The following DACH2 variants were observed in gnomAD, a reference collection of about 807,000 sequenced individuals.
DACH2 encodes the protein dachshund homolog 2.
In DACH2, 17 loss-of-function variants were observed where a neutral mutation model predicts 35.8. That is an observed-to-expected ratio of 0.48 (90% CI 0.33 to 0.71). DACH2 has a LOEUF of 0.71. Ranked by LOEUF, DACH2 falls within the 30% of genes least tolerant of loss-of-function variation. The pLI is 0.02. For missense variants in DACH2, 469 were observed against 472.7 expected (o/e 0.99, Z 0.07); for synonymous variants, 195 against 177.3 (o/e 1.10, Z -0.79).
rs758974955 is a variant in DACH2 at position 86,685,417 on chromosome X, T to C, written c.773-9604T>C. On this transcript the variant is annotated intron_variant, in intron 4 of 11. Coordinates refer to ENST00000373125, the MANE Select transcript of DACH2 (RefSeq NM_053281.3). Reference sequence around the variant, plus strand: ...ACTTACTTTTTGGTTACATATAAAATAAATATTAAAACTCAAATATCTTGC... The same window carrying C: ...ACTTACTTTTTGGTTACATATAAAACAAATATTAAAACTCAAATATCTTGC... Among the ~76,000 whole-genome samples, 3 of 111,938 alleles carry C rather than the reference T, an allele frequency of 2.7e-5. No individual in the cohort carries two copies. The South Asian group carries it at 1.1e-3, about 41-fold the overall frequency.
chrX:86,301,200 A>G (rs1278144999), intron 1 of DACH2, among the ~76,000 whole-genome samples: 1 of 111,801 alleles, frequency 8.9e-6, no homozygotes, highest in Non-Finnish European at 1.9e-5. Context: ...GGCATGGGAG[A>G]GAAAAGTGAT....
At chrX:86,783,352 A>T (rs2042107247) in intron 7 of DACH2, among the ~76,000 whole-genome samples, 1 of 112,103 alleles carries the variant, frequency 8.9e-6, no homozygotes, top group Non-Finnish European at 1.9e-5. Context: ...GTGGAGAACA[A>T]TTTGGAGATT....
At chrX:86,498,747 T>A (rs1314518314) in intron 2 of DACH2, among the ~76,000 whole-genome samples, 1 of 112,375 alleles carries the variant, frequency 8.9e-6, no homozygotes, top group African/African-American at 3.2e-5. Flanking sequence ...TATGTAAAGA[T>A]GACCTAAACC....
rs1411002851 is a variant in DACH2, at chrX:86,807,966, C to A, written c.1241-4890C>A. Among the ~76,000 whole-genome samples the A allele has an allele frequency of 2.7e-5, 3 of 111,843 alleles. No homozygotes were observed. The Admixed American group carries it at 2.8e-4, about 11-fold the overall frequency. ...CTTTTCTTGTTAGAACACCTAATAT[C>A]ACGTGGAAGTTCTGTGGGGCTTTAG... On this transcript the variant is annotated intron_variant, in intron 7 of 11. Coordinates refer to ENST00000373125, the MANE Select transcript of DACH2 (RefSeq NM_053281.3).
chrX:86,679,118 T>G (rs1346838764), intron 4 of DACH2, among the ~76,000 whole-genome samples: 1 of 94,149 alleles, frequency 1.1e-5, no homozygotes, highest in Non-Finnish European at 2.1e-5. Flanking sequence ...ATAATTTAAA[T>G]TTTTTATACT....
At chrX:86,770,832 A>G (rs1348966047) in intron 7 of DACH2, among the ~76,000 whole-genome samples, 1 of 112,431 alleles carries the variant, frequency 8.9e-6, no homozygotes, top group African/African-American at 3.2e-5. Flanking sequence ...GTAACACCTA[A>G]TACAGTGTCA....
At chrX:86,801,336 T>A (rs900818324) in intron 7 of DACH2, among the ~76,000 whole-genome samples, 1 of 110,720 alleles carries the variant, frequency 9.0e-6, no homozygotes, top group Non-Finnish European at 1.9e-5. Flanking sequence ...GCTCAAGTGA[T>A]CCTTCTACCT....
At chrX:86,586,499 C>G (rs935585600) in intron 3 of DACH2, among the ~76,000 whole-genome samples, 1 of 111,374 alleles carries the variant, frequency 9.0e-6, no homozygotes, top group Non-Finnish European at 1.9e-5. Flanking sequence ...GGTCCTATGT[C>G]CAGAAGAATA....
At chrX:86,670,980 C>G (rs990952303) in intron 4 of DACH2, among the ~76,000 whole-genome samples, 1 of 111,809 alleles carries the variant, frequency 8.9e-6, no homozygotes, top group Non-Finnish European at 1.9e-5. Flanking sequence ...CACATATAAA[C>G]AGGACAGGAT....
intron 7 of DACH2, among the ~76,000 whole-genome samples, chrX:86,793,214 A>C (rs1453678032): frequency 3.7e-5 from 4 of 109,087 alleles, no homozygotes; most frequent in Admixed American, 2.0e-4. Context: ...TGGGATTATT[A>C]GGTTTTTGGT....
At chrX:86,221,878 C>A (rs753838160) in intron 1 of DACH2, among the ~76,000 whole-genome samples, 1 of 112,238 alleles carries the variant, frequency 8.9e-6, no homozygotes, top group African/African-American at 3.2e-5. Flanking sequence ...TTATTGAGGC[C>A]TTTCTCCTTA....
At chrX:86,632,425 T>C (rs2040212184) in intron 3 of DACH2, among the ~76,000 whole-genome samples, 1 of 109,731 alleles carries the variant, frequency 9.1e-6, no homozygotes, top group South Asian at 3.9e-4. Context: ...ACTTAAGAAC[T>C]TCTCTCAACA....
chrX:86,777,619 G>T (rs6617261), intron 7 of DACH2, among the ~76,000 whole-genome samples: 15,923 of 110,454 alleles, frequency 0.14, 1,009 homozygotes, highest in South Asian at 0.42. Flanking sequence ...TATTTATTCT[G>T]CATTTATAAC....
intron 2 of DACH2, among the ~76,000 whole-genome samples, chrX:86,413,837 A>ACCCACTGT (rs2036656135): frequency 9.1e-6 from 1 of 110,370 alleles, no homozygotes; most frequent in Admixed American, 9.7e-5. Context: ...GACCTACTGG[A>ACCCACTGT]CCCACTGTAA....
chrX:86,148,877 A>G lies in DACH2; in HGVS notation c.257A>G (p.Gln86Arg), dbSNP rs1490886747. ...GTGGCTTCGTTCCTGATGGACGGCC[A>G]GGAACTGATCTGCCTGCCGCAAGTC... ...MKVASFLMDG[Q>R]ELICLPQVFD... The change falls in exon 1 of 12, where the codon CAG (glutamine) becomes CGG (arginine). Residue 86 changes from glutamine to arginine, a missense_variant. This residue lies in a region of DACH2 where 99 missense variants were observed against 114.3 expected (regional missense o/e 0.87). Coordinates refer to ENST00000373125, the MANE Select transcript of DACH2 (RefSeq NM_053281.3). 11 of 1,211,658 alleles carry G rather than the reference A, an allele frequency of 9.1e-6. No individual in the cohort carries two copies. Among genetic ancestry groups the G allele is most frequent in the Non-Finnish European group, 1.1e-5 (10 of 895,554 alleles).
intron 4 of DACH2, among the ~76,000 whole-genome samples, chrX:86,692,044 G>C (rs1440042114): frequency 9.0e-6 from 1 of 111,294 alleles, no homozygotes; most frequent in African/African-American, 3.3e-5. Context: ...AAAATGATGA[G>C]AGATTTAGGT....
At chrX:86,420,695 TTAATAA>T (rs1254714751) in intron 2 of DACH2, among the ~76,000 whole-genome samples, 1 of 111,404 alleles carries the variant, frequency 9.0e-6, no homozygotes, top group Non-Finnish European at 1.9e-5. Context: ...ATGTCAGAAG[TTAATAA>T]TAATAATATA....
chrX:86,354,896 C>G (rs891077901), intron 1 of DACH2, among the ~76,000 whole-genome samples: 4 of 110,982 alleles, frequency 3.6e-5, no homozygotes, highest in Non-Finnish European at 3.8e-5. Context: ...AGTTATTTCA[C>G]TATATTTTAA....
chrX:86,793,675 A>T (rs2147326210), intron 7 of DACH2, among the ~76,000 whole-genome samples: 1 of 112,346 alleles, frequency 8.9e-6, no homozygotes, highest in Non-Finnish European at 1.9e-5. Flanking sequence ...TTAAACTCTA[A>T]TGTTCTCTAC....
Sources: gnomAD v4.1 joint callset for allele counts (sites outside exome capture counted in the v4.1 genomes callset) on GRCh38, gnomAD v4.1.1 for gene constraint, gnomAD v4.1.1 regional missense constraint, MANE v1.5 for transcripts, NCBI Gene and HGNC (gene_info 2026-07-23, HGNC 2026-07-21) for gene names.